Variants in HYAL4 observed in about 807,000 individuals in gnomAD.
The protein encoded by HYAL4 is hyaluronidase-4.
HYAL4 carries 37 observed loss-of-function variants against 35.2 expected under a neutral mutation model. The observed-to-expected ratio is 1.05, with a 90% CI of 0.81 to 1.38. The LOEUF (loss-of-function observed/expected upper bound fraction) is 1.38. Ranked by LOEUF, HYAL4 falls within the 40% of genes most tolerant of loss-of-function variation. The pLI is 0.00. For missense variants in HYAL4, 572 were observed against 572.4 expected (o/e 1.00, Z 0.01); for synonymous variants, 198 against 203.2 (o/e 0.97, Z 0.22).
chr7:123,875,229 A>G (rs970765891), intron 4 of HYAL4, among the ~76,000 whole-genome samples: 3 of 152,216 alleles, frequency 2.0e-5, no homozygotes, highest in African/African-American at 7.2e-5. Flanking sequence ...CAGTTTGATG[A>G]TGGACACCTT....
At chr7:123,864,801 C>T (rs1191667176) in intron 2 of HYAL4, among the ~76,000 whole-genome samples, 1 of 151,450 alleles carries the variant, frequency 6.6e-6, no homozygotes, top group African/African-American at 2.4e-5. Flanking sequence ...GTGAGGGGAT[C>T]TCCTCCCAAC....
At chr7:123,826,518 C>T (rs1211471854), upstream of HYAL4, among the ~76,000 whole-genome samples, 1 of 152,124 alleles carries the variant, frequency 6.6e-6, no homozygotes, top group African/African-American at 2.4e-5. Flanking sequence ...TTGAAAATTA[C>T]TTTGGATGTA....
intron 2 of HYAL4, among the ~76,000 whole-genome samples, chr7:123,863,801 C>T (rs1201125764): frequency 6.6e-6 from 1 of 152,122 alleles, no homozygotes; most frequent in Non-Finnish European, 1.5e-5. Context: ...GAGTGTAGTA[C>T]TCACAGTTTC....
chr7:123,806,635 A>T, the HYAL4 span, among the ~76,000 whole-genome samples: 1 of 150,402 alleles, frequency 6.6e-6, no homozygotes, highest in African/African-American at 2.5e-5. Context: ...TTTTTTCAGT[A>T]GAGATGGGAT....
At chr7:123,807,808 G>C in the HYAL4 span, among the ~76,000 whole-genome samples, 1 of 151,168 alleles carries the variant, frequency 6.6e-6, no homozygotes, top group Admixed American at 6.6e-5. Context: ...CATAGTTCGC[G>C]GTAGCCTCAA....
At chr7:123,829,302 T>C (rs1242427231) in intron 1 of HYAL4, 1 of 152,162 alleles carries the variant, frequency 6.6e-6, no homozygotes, top group African/African-American at 2.4e-5. Context: ...GCTCCTACTA[T>C]TAACTTCAAT....
In HYAL4 at chr7:123,868,503, G is replaced by C. The variant is rs532811867; in HGVS notation, c.230G>C (p.Ser77Thr). ...TTGAAAATGTTTCCTGTGATTGGAA[G>C]CCCACTGGCCAAGGCCAGGGGGCAA... ...LNLKMFPVIG[S>T]PLAKARGQNV... Residue 77 changes from serine (S) to threonine (T), a missense_variant, in exon 3 of 5, where the codon AGC becomes ACC. Coordinates refer to ENST00000223026, the MANE Select transcript of HYAL4 (RefSeq NM_012269.3). 3 of 1,604,200 alleles carry C rather than the reference G, an allele frequency of 1.9e-6. No individual in the cohort carries two copies. The African/African-American group carries it at 4.0e-5, about 22-fold the overall frequency.
At chr7:123,830,480 A>G (rs1376175303) in intron 1 of HYAL4, among the ~76,000 whole-genome samples, 1 of 152,158 alleles carries the variant, frequency 6.6e-6, no homozygotes, top group Non-Finnish European at 1.5e-5. Flanking sequence ...GAAAAATGAC[A>G]CTTTTGTCTA....
chr7:123,773,209 T>C, the HYAL4 span, among the ~76,000 whole-genome samples: 2 of 152,192 alleles, frequency 1.3e-5, no homozygotes, highest in African/African-American at 4.8e-5. Context: ...ATGCAACAAA[T>C]AGTCCAGGTG....
chr7:123,809,350 G>A, the HYAL4 span, among the ~76,000 whole-genome samples: 1 of 151,132 alleles, frequency 6.6e-6, no homozygotes, highest in Non-Finnish European at 1.5e-5. Flanking sequence ...TGCGTGCACT[G>A]CTTCCCTTGC....
At chr7:123,874,174 CTA>C (rs1806950743) in intron 3 of HYAL4, among the ~76,000 whole-genome samples, 1 of 152,182 alleles carries the variant, frequency 6.6e-6, no homozygotes, top group African/African-American at 2.4e-5. Flanking sequence ...TTTCTGATAA[CTA>C]TTTACAGCCT....
At chr7:123,876,156 A>G (rs541801686) in intron 4 of HYAL4, 110 of 421,620 alleles carry the variant, frequency 2.6e-4, no homozygotes, top group Non-Finnish European at 4.5e-4. Context: ...TTAGCCATAT[A>G]GGTTTTCATG....
At chr7:123,784,285 T>G in the HYAL4 span, among the ~76,000 whole-genome samples, 1 of 152,232 alleles carries the variant, frequency 6.6e-6, no homozygotes, top group Non-Finnish European at 1.5e-5. Context: ...CTTTGTATAC[T>G]GCATAATAGC....
chr7:123,876,632 A>T, intron 4 of HYAL4, 122 bp from the exon 5 acceptor site: 1 of 1,046,968 alleles, frequency 9.6e-7, no homozygotes. Flanking sequence ...TTTAATCAAG[A>T]CCAAAGAACT....
At chr7:123,817,404 T>C in the HYAL4 span, among the ~76,000 whole-genome samples, 1 of 152,160 alleles carries the variant, frequency 6.6e-6, no homozygotes, top group Admixed American at 6.6e-5. Flanking sequence ...GGATTTACAT[T>C]GCCTTTGTTG....
In HYAL4 at chr7:123,877,221, T is replaced by C. The variant is rs890785929; in HGVS notation, c.*66T>C. 9.0e-5 allele frequency: 131 copies of C among 1,461,806 alleles called. No homozygotes were observed. The highest frequency in any genetic ancestry group is 1.1e-4 in the Non-Finnish European group (124 of 1,083,316). 90.6% of individuals were successfully genotyped at this position (1,461,806 alleles called of 1,614,324 possible). On this transcript the variant is annotated 3_prime_UTR_variant, in exon 5 of 5. Coordinates refer to ENST00000223026, the MANE Select transcript of HYAL4 (RefSeq NM_012269.3). ...GTCATTTAAAGAAGGATGTAACTTATAACATTTTTTTTCTCTTATGAATTC... is the reference window on the plus strand; with the variant it reads ...GTCATTTAAAGAAGGATGTAACTTACAACATTTTTTTTCTCTTATGAATTC...
Position 123,845,525 on chromosome 7 carries a change from C to T in HYAL4, c.-282C>T, listed in dbSNP as rs548455998. ...GCCTTGCTATTTATGCCATCTATTT[C>T]ACTGAAGATTCCGCCTCTCATTTCT... On this transcript the variant is annotated 5_prime_UTR_variant, in exon 1 of 5. Coordinates refer to ENST00000223026, the MANE Select transcript of HYAL4 (RefSeq NM_012269.3). 3 of 152,096 alleles carry T rather than the reference C, an allele frequency of 2.0e-5. No homozygotes were observed. In the South Asian group the frequency reaches 6.2e-4, roughly 32 times the overall value. The allele number at this position is 152,096 out of a possible 1,614,324, so 9.4% of individuals were successfully genotyped here. A position where few individuals can be genotyped will look rare whatever the true frequency, so the allele number is the denominator to read the frequency against.
At chr7:123,875,003 G>C (rs535651210) in intron 4 of HYAL4, among the ~76,000 whole-genome samples, 153 bp downstream of exon 4, 1 of 152,264 alleles carries the variant, frequency 6.6e-6, no homozygotes, top group East Asian at 1.9e-4. Context: ...AAAATATTGT[G>C]AACTTTTATA....
intron 2 of HYAL4, among the ~76,000 whole-genome samples, chr7:123,851,940 G>A (rs1005264628): frequency 6.6e-6 from 1 of 152,152 alleles, no homozygotes; most frequent in Non-Finnish European, 1.5e-5. Flanking sequence ...ATCCTAACTG[G>A]TGTGAGATGG....
Sources: gnomAD v4.1 joint callset for allele counts (sites outside exome capture counted in the v4.1 genomes callset) on GRCh38, gnomAD v4.1.1 for gene constraint, MANE v1.5 for transcripts, NCBI Gene and HGNC (gene_info 2026-07-23, HGNC 2026-07-21) for gene names.